The following TJP1 variants were observed in gnomAD, a reference collection of about 807,000 sequenced individuals.
The protein encoded by TJP1 is tight junction protein 1, also known as tight junction protein ZO-1.
In TJP1, 43 loss-of-function variants were observed where a neutral mutation model predicts 194.2. The observed-to-expected ratio is 0.22, with a 90% confidence interval of 0.17 to 0.29. The LOEUF is 0.29. TJP1 is among the 10% of genes least tolerant of loss of function. The pLI, the probability that TJP1 is intolerant of heterozygous loss-of-function variation, is 1.00. For synonymous variants in TJP1, 801 were observed against 779.0 expected, an observed-to-expected ratio of 1.03 and a Z score of -0.47; for missense variants, 1,971 against 2,185.7, an observed-to-expected ratio of 0.90 and a Z score of 1.96.
upstream of TJP1, chr15:29,822,541 C>CGAGGCGGGGAG (rs1473747660): frequency 3.3e-6 from 3 of 921,520 alleles, no homozygotes; most frequent in South Asian, 1.5e-4. Context: ...CGAGGCGAGG[C>CGAGGCGGGGAG]GAGGCGGGGA....
intron 9 of TJP1, 61 bp from the exon 10 acceptor site, chr15:29,741,497 A>G: frequency 9.0e-7 from 1 of 1,109,702 alleles, no homozygotes; most frequent in Non-Finnish European, 1.4e-6. Flanking sequence ...TAATGCAAGC[A>G]ACCAAGCAAT....
chr15:29,754,945 C>T (rs186077981), intron 8 of TJP1, among the ~76,000 whole-genome samples: 16 of 152,028 alleles, frequency 1.1e-4, no homozygotes, highest in African/African-American at 2.7e-4. Flanking sequence ...CAAATGCTGA[C>T]GAAAACAATT....
Position 29,773,273 on chromosome 15 carries a change from A to C in TJP1, c.169T>G (p.Ser57Ala). 6.2e-7 allele frequency: 1 copy of C among 1,614,076 alleles called. No individual in the cohort carries two copies. The highest frequency in any genetic ancestry group is 8.5e-7 in the Non-Finnish European group (1 of 1,179,962). The change falls in exon 3 of 28, where the codon TCA becomes GCA. Residue 57 changes from serine (S) to alanine (A), a missense_variant. Physicochemically the swap from Ser to Ala is moderately conservative, Grantham distance 99. Coordinates refer to ENST00000614355, the MANE Select transcript of TJP1 (RefSeq NM_001330239.4). Reference protein sequence around the residue: ...FQSGETSIVISDVLKGGPAEG... With the variant: ...FQSGETSIVIADVLKGGPAEG... ...GCTGGTCCTCCTTTCAGCACATCTG[A>C]AATCACTATTGACGTTTCCCCACTC... is the stretch of plus-strand genomic sequence containing the variant.
chr15:29,949,183 C>T (rs1480055923), intron 2 of TJP1, among the ~76,000 whole-genome samples: 3 of 146,368 alleles, frequency 2.0e-5, no homozygotes, highest in African/African-American at 7.6e-5. Flanking sequence ...CCACCTCCAT[C>T]ACCTCCACCA....
At chr15:29,911,549 TGCAC>T (rs2054012929) in intron 2 of TJP1, among the ~76,000 whole-genome samples, 1 of 152,084 alleles carries the variant, frequency 6.6e-6, no homozygotes, top group Non-Finnish European at 1.5e-5. Flanking sequence ...AGGGGAAGCA[TGCAC>T]ATCTTCACAT....
chr15:29,865,698 A>G (rs2052277783), intron 2 of TJP1, among the ~76,000 whole-genome samples: 1 of 152,206 alleles, frequency 6.6e-6, no homozygotes, highest in Non-Finnish European at 1.5e-5. Flanking sequence ...AAAGATGGAC[A>G]TGCACCGAGC....
chr15:29,797,161 CCTTTT>C (rs1158728393), intron 2 of TJP1, among the ~76,000 whole-genome samples: 1 of 152,090 alleles, frequency 6.6e-6, no homozygotes, highest in Non-Finnish European at 1.5e-5. Context: ...TTCTTTCTTT[CCTTTT>C]GAGACAGAGT....
intron 2 of TJP1, among the ~76,000 whole-genome samples, chr15:29,904,118 G>A (rs2053726314): frequency 1.3e-5 from 2 of 152,158 alleles, no homozygotes; most frequent in South Asian, 4.1e-4. Flanking sequence ...AAAGGACGGA[G>A]ACCAGGGGTG....
At chr15:29,800,556 G>T in intron 2 of TJP1, 90 bp downstream of exon 2, 1 of 1,299,410 alleles carries the variant, frequency 7.7e-7, no homozygotes. Flanking sequence ...TCCTCCCTCT[G>T]GCTTCCTGAC....
intron 2 of TJP1, among the ~76,000 whole-genome samples, chr15:29,877,645 T>C (rs1442327247): frequency 6.6e-6 from 1 of 151,510 alleles, no homozygotes; most frequent in Non-Finnish European, 1.5e-5. Context: ...TTCTTCTCTT[T>C]CTTTCTTTGT....
At chr15:29,878,768 C>T (rs930735419) in intron 2 of TJP1, among the ~76,000 whole-genome samples, 4 of 152,042 alleles carry the variant, frequency 2.6e-5, no homozygotes, top group African/African-American at 9.7e-5. Flanking sequence ...TCAGGGAAGC[C>T]GATGTGGGAG....
intron 1 of TJP1, among the ~76,000 whole-genome samples, chr15:29,804,874 T>A (rs1405568446): frequency 1.3e-5 from 2 of 152,048 alleles, no homozygotes. Flanking sequence ...CAGATGCTGG[T>A]AAACAGGAAA....
chr15:29,892,440 C>G (rs937402925), intron 2 of TJP1, among the ~76,000 whole-genome samples: 2 of 152,230 alleles, frequency 1.3e-5, no homozygotes, highest in African/African-American at 4.8e-5. Context: ...AAACAACAGA[C>G]TTTCGATGTA....
intron 4 of TJP1, among the ~76,000 whole-genome samples, chr15:29,770,746 A>C (rs2046615601): frequency 6.6e-6 from 1 of 152,022 alleles, no homozygotes; most frequent in Non-Finnish European, 1.5e-5. Context: ...CAGCTGTACA[A>C]CGTGTTTGTT....
chr15:29,782,894 C>T (rs1490979709), intron 2 of TJP1, among the ~76,000 whole-genome samples: 12 of 80,666 alleles, frequency 1.5e-4, no homozygotes, highest in East Asian at 7.7e-4. Context: ...AGACACTTTT[C>T]AAAAAAAAAA....
intron 2 of TJP1, among the ~76,000 whole-genome samples, chr15:29,866,675 C>T (rs1349256237): frequency 2.6e-5 from 4 of 152,214 alleles, no homozygotes; most frequent in East Asian, 1.9e-4. Context: ...GAAAATAATA[C>T]CCCGGAATGT....
Position 29,822,139 on chromosome 15 carries a change from G to A in TJP1, c.-111C>T, listed in dbSNP as rs2050429256. ...ATAAACATCTCCCGAGAGCGAGCGG[G>A]GCACGGGCGGGGGCGGCCGGAAGGG... On this transcript the variant is annotated 5_prime_UTR_variant, in exon 1 of 28. Coordinates refer to ENST00000614355, the MANE Select transcript of TJP1 (RefSeq NM_001330239.4). 2 of 1,195,476 alleles carry A rather than the reference G, an allele frequency of 1.7e-6. No individual in the cohort carries two copies. The highest frequency in any genetic ancestry group is 6.8e-5 in the East Asian group (2 of 29,378). The allele number at this position is 1,195,476 out of a possible 1,614,324, so 74.1% of individuals were successfully genotyped here.
At chr15:29,951,112 C>T (rs535203762) in intron 2 of TJP1, among the ~76,000 whole-genome samples, 7 of 152,048 alleles carry the variant, frequency 4.6e-5, no homozygotes, top group South Asian at 4.2e-4. Context: ...TTTTCATCTT[C>T]GATATCTTCA....
intron 1 of TJP1, among the ~76,000 whole-genome samples, chr15:29,810,691 C>G (rs766798449): frequency 2.0e-5 from 3 of 152,138 alleles, no homozygotes; most frequent in Admixed American, 6.5e-5. Context: ...AAGGGGTACA[C>G]AGAGTTTAAA....
Sources: gnomAD v4.1 joint callset for allele counts (sites outside exome capture counted in the v4.1 genomes callset) on GRCh38, gnomAD v4.1.1 for gene constraint, MANE v1.5 for transcripts, NCBI Gene and HGNC (gene_info 2026-07-23, HGNC 2026-07-21) for gene names.